Variants in ZFHX4 observed in about 807,000 individuals in gnomAD.
ZFHX4 encodes the protein zinc finger homeobox 4.
ZFHX4 carries 56 observed loss-of-function variants against 267.6 expected under a neutral mutation model. The observed-to-expected ratio is 0.21, with a 90% CI of 0.17 to 0.26. The LOEUF is 0.26. Ranked by LOEUF, ZFHX4 falls within the 10% of genes least tolerant of loss-of-function variation. ZFHX4 has a pLI of 1.00. For missense variants in ZFHX4, 4,332 were observed against 4,420.0 expected, an observed-to-expected ratio of 0.98 and a Z score of 0.56; for synonymous variants, 1,778 against 1,665.6, an observed-to-expected ratio of 1.07 and a Z score of -1.64.
intron 3 of ZFHX4, among the ~76,000 whole-genome samples, chr8:76,733,643 C>G (rs1337602925): frequency 6.6e-6 from 1 of 152,108 alleles, no homozygotes; most frequent in African/African-American, 2.4e-5. Flanking sequence ...TTCCTTTTGC[C>G]TTATATTAAG....
intron 6 of ZFHX4, among the ~76,000 whole-genome samples, chr8:76,846,853 G>GCA (rs1298033251): frequency 6.6e-6 from 1 of 152,016 alleles, no homozygotes; most frequent in Non-Finnish European, 1.5e-5. Flanking sequence ...GATCCAAAGG[G>GCA]CCTGCAAGCA....
chr8:76,803,102 AC>A lies in ZFHX4; in HGVS notation c.3325+24665del, dbSNP rs542200265. ...TCCTGTCAGCACACTTGAGCTGTCA[AC>A]CAACAGTAAGCAATATCCATTTAAC... On this transcript the variant is annotated intron_variant, in intron 4 of 10. Coordinates refer to ENST00000651372, the MANE Select transcript of ZFHX4 (RefSeq NM_024721.5). Among the ~76,000 whole-genome samples the A allele has an allele frequency of 3.9e-5, 6 of 152,282 alleles. No homozygotes were observed. The South Asian group carries it at 1.0e-3, about 26-fold the overall frequency.
chr8:76,836,802 T>C (rs934730700), intron 5 of ZFHX4, among the ~76,000 whole-genome samples: 2 of 152,132 alleles, frequency 1.3e-5, no homozygotes, highest in Non-Finnish European at 2.9e-5. Context: ...TATCTAGTTA[T>C]AAGACCATTG....
At chr8:76,748,969 G>C (rs1240085099) in intron 3 of ZFHX4, among the ~76,000 whole-genome samples, 1 of 152,102 alleles carries the variant, frequency 6.6e-6, no homozygotes, top group Non-Finnish European at 1.5e-5. Context: ...CAATATTACT[G>C]TACATCTGTA....
chr8:76,838,249 A>T (rs947249617), intron 5 of ZFHX4, among the ~76,000 whole-genome samples: 1 of 152,224 alleles, frequency 6.6e-6, no homozygotes, highest in African/African-American at 2.4e-5. Flanking sequence ...GCAAATTCTC[A>T]GGTTCAGCTC....
At chr8:76,828,121 A>G (rs949425188) in intron 4 of ZFHX4, among the ~76,000 whole-genome samples, 2 of 152,214 alleles carry the variant, frequency 1.3e-5, no homozygotes, top group Non-Finnish European at 2.9e-5. Flanking sequence ...ATCTGAACAC[A>G]CTGACTTGAC....
intron 3 of ZFHX4, among the ~76,000 whole-genome samples, chr8:76,719,021 G>T (rs1808649926): frequency 6.7e-6 from 1 of 150,036 alleles, no homozygotes; most frequent in South Asian, 2.1e-4. Context: ...GTAGAACATG[G>T]ATCTATTCCG....
chr8:76,714,775 A>T (rs545577456), intron 3 of ZFHX4, among the ~76,000 whole-genome samples: 12 of 152,280 alleles, frequency 7.9e-5, no homozygotes, highest in Admixed American at 7.8e-4. Flanking sequence ...CCATCTTTCT[A>T]AGTGCTGCTC....
In ZFHX4 at chr8:76,776,508, C is replaced by G. The variant is rs1336550701; in HGVS notation, c.3094-1700C>G. ...TGTGTTTGAAAGGCACAGAAATGTT[C>G]CTGTTTAGATCCAGGCTTGGGTATC... is the stretch of plus-strand genomic sequence containing the variant. On this transcript the variant is annotated intron_variant, in intron 3 of 10. Transcript: ENST00000651372. Among the ~76,000 whole-genome samples, 3 of 152,182 alleles carry G rather than the reference C, an allele frequency of 2.0e-5. No individual in the cohort carries two copies. The East Asian group carries it at 5.8e-4, about 29-fold the overall frequency.
intron 3 of ZFHX4, among the ~76,000 whole-genome samples, chr8:76,762,563 A>G (rs935459446): frequency 6.6e-6 from 1 of 152,192 alleles, no homozygotes; most frequent in Non-Finnish European, 1.5e-5. Context: ...ATATGCCATA[A>G]AAGCAAATGA....
intron 3 of ZFHX4, among the ~76,000 whole-genome samples, chr8:76,759,148 A>G (rs1809843366): frequency 6.6e-6 from 1 of 152,240 alleles, no homozygotes; most frequent in African/African-American, 2.4e-5. Context: ...CTTAAAAATC[A>G]TTATCCTTTT....
intron 10 of ZFHX4, among the ~76,000 whole-genome samples, chr8:76,859,579 G>T (rs1354250864): frequency 6.6e-6 from 1 of 152,012 alleles, no homozygotes; most frequent in Non-Finnish European, 1.5e-5. Context: ...ATCATTTTAA[G>T]CAGTGTCTGA....
chr8:76,802,258 C>A (rs1168889598), intron 4 of ZFHX4, among the ~76,000 whole-genome samples: 3 of 152,174 alleles, frequency 2.0e-5, no homozygotes, highest in African/African-American at 7.2e-5. Context: ...TATTTTATTA[C>A]CTACAGAAAA....
At chr8:76,857,364 A>G (rs954077657) in intron 10 of ZFHX4, among the ~76,000 whole-genome samples, 2 of 127,234 alleles carry the variant, frequency 1.6e-5, no homozygotes, top group African/African-American at 3.4e-5. Context: ...TTATATATAT[A>G]TATATATATA....
At chr8:76,721,645 T>A (rs1452156920) in intron 3 of ZFHX4, among the ~76,000 whole-genome samples, 1 of 152,216 alleles carries the variant, frequency 6.6e-6, no homozygotes, top group Non-Finnish European at 1.5e-5. Flanking sequence ...TGTTTAGTCC[T>A]TTGTATCATT....
At position 76,854,090 on chromosome 8, in the gene ZFHX4, C is replaced by T. The variant is rs770312771; in HGVS notation, c.7169C>T (p.Pro2390Leu). 3 of 1,613,784 alleles carry T rather than the reference C, an allele frequency of 1.9e-6. No individual in the cohort carries two copies. The highest frequency in any genetic ancestry group is 3.3e-5 in the Admixed American group (2 of 60,000). ...AASSGSGTST[P>L]LIPSPKPEPE... Reference sequence around the variant, plus strand: ...AGTTCTGGCTCTGGGACCAGCACCCCCCTGATTCCATCACCCAAACCAGAA... The same window carrying T: ...AGTTCTGGCTCTGGGACCAGCACCCTCCTGATTCCATCACCCAAACCAGAA... Residue 2390 changes from proline (P) to leucine (L), a missense_variant, in exon 10 of 11, where the codon CCC becomes CTC. Physicochemically the swap from Pro to Leu is moderately conservative, Grantham distance 98. Transcript: ENST00000651372.
intron 5 of ZFHX4, among the ~76,000 whole-genome samples, chr8:76,839,643 T>C (rs754651796): frequency 6.6e-6 from 1 of 152,240 alleles, no homozygotes. Flanking sequence ...TTCACTATTA[T>C]TGCATGTAAT....
At chr8:76,829,884 C>T (rs548539832) in intron 4 of ZFHX4, among the ~76,000 whole-genome samples, 1 of 151,920 alleles carries the variant, frequency 6.6e-6, no homozygotes, top group Admixed American at 6.6e-5. Flanking sequence ...ATTTGGGTTA[C>T]GCTAAAGAAA....
rs181715190 is a variant in ZFHX4 at position 76,688,680 on chromosome 8, T to A, written c.-47+7060T>A. Among the ~76,000 whole-genome samples the A allele has an allele frequency of 2.8e-3, 419 of 152,238 alleles. 2 individuals are homozygous for A. Among genetic ancestry groups the A allele is most frequent in the African/African-American group, 9.6e-3 (400 of 41,554 alleles). ...AAATACCATAAGTGTGAAGACTCTT[T>A]CAAAGATCGGAATTGGTTCTTTTGT... On this transcript the variant is annotated intron_variant, in intron 1 of 10. Coordinates refer to ENST00000651372, the MANE Select transcript of ZFHX4 (RefSeq NM_024721.5).
Sources: gnomAD v4.1 joint callset for allele counts (sites outside exome capture counted in the v4.1 genomes callset) on GRCh38, gnomAD v4.1.1 for gene constraint, MANE v1.5 for transcripts, NCBI Gene and HGNC (gene_info 2026-07-23, HGNC 2026-07-21) for gene names.